The following RBFOX1 variants were observed in gnomAD, a reference collection of about 807,000 sequenced individuals.
The protein encoded by RBFOX1 is RNA binding protein fox-1 homolog 1.
In RBFOX1, 8 loss-of-function variants were observed where a neutral mutation model predicts 57.7. The observed-to-expected ratio is 0.14, with a 90% CI of 0.08 to 0.25. The LOEUF is 0.25. RBFOX1 is among the 10% of genes least tolerant of loss of function. RBFOX1 has a pLI of 1.00. For missense variants in RBFOX1, 611 were observed against 548.5 expected, an observed-to-expected ratio of 1.11 and a Z score of -1.14; for synonymous variants, 326 against 222.4, an observed-to-expected ratio of 1.47 and a Z score of -4.15.
chr16:6,906,867 C>T (rs548340976), intron 3 of RBFOX1, among the ~76,000 whole-genome samples: 91 of 152,012 alleles, frequency 6.0e-4, no homozygotes, highest in African/African-American at 2.1e-3. Context: ...AGATTACAGG[C>T]ACCTGCCACC....
intron 1 of RBFOX1, among the ~76,000 whole-genome samples, chr16:5,389,538 C>A (rs9925136): frequency 0.5 from 76,520 of 151,860 alleles, 19,741 homozygotes; most frequent in Non-Finnish European, 0.56. Context: ...TTGACATACT[C>A]CTGTGTATGT....
chr16:6,026,430 A>T (rs1035390309), intron 1 of RBFOX1, among the ~76,000 whole-genome samples: 1 of 152,232 alleles, frequency 6.6e-6, no homozygotes, highest in African/African-American at 2.4e-5. Context: ...AGGACACAAC[A>T]GCAGGTAAGA....
At chr16:5,263,884 T>C (rs555737282) in intron 1 of RBFOX1, among the ~76,000 whole-genome samples, 2 of 152,344 alleles carry the variant, frequency 1.3e-5, no homozygotes, top group Admixed American at 1.3e-4. Flanking sequence ...AAGTGAAGTC[T>C]ACCATAGAGT....
chr16:6,760,112 G>C (rs1410321478), intron 3 of RBFOX1, among the ~76,000 whole-genome samples: 2 of 152,036 alleles, frequency 1.3e-5, no homozygotes, highest in Admixed American at 6.6e-5. Flanking sequence ...AAAGATAAAA[G>C]GAAGGTAGAA....
chr16:6,861,157 A>G (rs2065278704), intron 3 of RBFOX1, among the ~76,000 whole-genome samples: 1 of 152,248 alleles, frequency 6.6e-6, no homozygotes, highest in African/African-American at 2.4e-5. Flanking sequence ...TATTTTTTAT[A>G]TGTCTCATGT....
intron 3 of RBFOX1, among the ~76,000 whole-genome samples, chr16:5,673,966 C>A (rs1008997336): frequency 2.0e-5 from 3 of 152,176 alleles, no homozygotes; most frequent in African/African-American, 7.2e-5. Flanking sequence ...CTTGATGCAT[C>A]CAGGGGAGAG....
chr16:7,041,851 C>G (rs1029777839), intron 3 of RBFOX1, among the ~76,000 whole-genome samples: 2 of 152,120 alleles, frequency 1.3e-5, no homozygotes, highest in Non-Finnish European at 2.9e-5. Context: ...GTGTTAAGTG[C>G]TTTGCTTAGT....
At chr16:5,963,909 G>T (rs868163960) in intron 4 of RBFOX1, among the ~76,000 whole-genome samples, 1 of 152,184 alleles carries the variant, frequency 6.6e-6, no homozygotes, top group Admixed American at 6.5e-5. Context: ...GTGGTTTTAC[G>T]TGAGAGCAGA....
intron 2 of RBFOX1, among the ~76,000 whole-genome samples, chr16:6,562,896 T>G (rs1423790707): frequency 7.4e-6 from 1 of 134,298 alleles, no homozygotes; most frequent in African/African-American, 2.8e-5. Flanking sequence ...TTTTTTTTTT[T>G]TTGCATAGTT....
intron 3 of RBFOX1, among the ~76,000 whole-genome samples, chr16:5,637,050 A>C (rs1222913866): frequency 6.6e-6 from 1 of 152,190 alleles, no homozygotes; most frequent in African/African-American, 2.4e-5. Flanking sequence ...TCATAATGCA[A>C]TATCAGTGTT....
intron 3 of RBFOX1, among the ~76,000 whole-genome samples, chr16:5,755,846 C>T (rs1392187969): frequency 6.6e-6 from 1 of 152,094 alleles, no homozygotes; most frequent in Non-Finnish European, 1.5e-5. Context: ...GATCCGCCTG[C>T]CTCGGCCTCC....
At chr16:6,065,359 A>T (rs2095747820) in intron 1 of RBFOX1, among the ~76,000 whole-genome samples, 1 of 152,012 alleles carries the variant, frequency 6.6e-6, no homozygotes, top group Non-Finnish European at 1.5e-5. Flanking sequence ...GATGCCTAGG[A>T]ACACTGGGGA....
intron 3 of RBFOX1, among the ~76,000 whole-genome samples, chr16:5,615,789 G>T (rs1397747824): frequency 1.3e-5 from 2 of 152,212 alleles, no homozygotes; most frequent in Non-Finnish European, 2.9e-5. Flanking sequence ...GCCTATCTGG[G>T]TTTCTGCCCC....
intron 1 of RBFOX1, among the ~76,000 whole-genome samples, chr16:6,273,871 A>C (rs1305149483): frequency 1.3e-5 from 2 of 152,272 alleles, no homozygotes; most frequent in South Asian, 4.1e-4. Flanking sequence ...AAAAAAATCA[A>C]GCAGTGAGCA....
At chr16:6,943,680 C>A (rs2078961802) in intron 3 of RBFOX1, among the ~76,000 whole-genome samples, 1 of 150,634 alleles carries the variant, frequency 6.6e-6, no homozygotes, top group East Asian at 2.0e-4. Context: ...TGCACTCCAG[C>A]CTGGGCGAGA....
intron 1 of RBFOX1, among the ~76,000 whole-genome samples, chr16:6,289,663 C>G (rs2077260203): frequency 1.3e-5 from 2 of 152,012 alleles, no homozygotes; most frequent in African/African-American, 4.8e-5. Context: ...ATAGCTGGCC[C>G]TAGTACAAGA....
At chr16:6,855,586 G>T (rs910918451) in intron 3 of RBFOX1, among the ~76,000 whole-genome samples, 1 of 150,702 alleles carries the variant, frequency 6.6e-6, no homozygotes, top group African/African-American at 2.5e-5. Context: ...CCGAGAGGTG[G>T]AGCTTGCAGT....
intron 3 of RBFOX1, among the ~76,000 whole-genome samples, chr16:5,691,941 C>A (rs1480045020): frequency 6.6e-6 from 1 of 152,134 alleles, no homozygotes; most frequent in Non-Finnish European, 1.5e-5. Flanking sequence ...GGTCATCTTG[C>A]TGTGAGACAT....
chr16:5,920,228 C>T (rs1481954846), intron 4 of RBFOX1, among the ~76,000 whole-genome samples: 2 of 152,204 alleles, frequency 1.3e-5, no homozygotes, highest in Admixed American at 6.5e-5. Context: ...GCCACCACAC[C>T]CGGCCATATT....
Sources: allele counts gnomAD v4.1 joint callset (sites outside exome capture counted in the v4.1 genomes callset), GRCh38; gene constraint gnomAD v4.1.1; transcripts MANE v1.5; gene names NCBI Gene and HGNC (gene_info 2026-07-23, HGNC 2026-07-21).